FOXP2: variants seen among roughly 807,000 people sequenced by gnomAD.
The protein encoded by FOXP2 is forkhead box P2.
In FOXP2, 12 loss-of-function variants were observed where a neutral mutation model predicts 115.8. That is an observed-to-expected ratio of 0.10 (90% CI 0.07 to 0.17). The LOEUF is 0.17. FOXP2 is among the 10% of genes least tolerant of loss of function. The pLI is 1.00. For missense variants in FOXP2, 629 were observed against 843.5 expected (o/e 0.75, Z 3.15); for synonymous variants, 328 against 297.7 (o/e 1.10, Z -1.05).
At chr7:114,451,249 T>C (rs1404033038) in intron 2 of FOXP2, among the ~76,000 whole-genome samples, 2 of 152,060 alleles carry the variant, frequency 1.3e-5, no homozygotes, top group African/African-American at 2.4e-5. Context: ...TTGACACATG[T>C]ATATTTTCAT....
intron 1 of FOXP2, among the ~76,000 whole-genome samples, chr7:114,106,036 A>G (rs1451976693): frequency 6.6e-6 from 1 of 152,096 alleles, no homozygotes; most frequent in African/African-American, 2.4e-5. Context: ...GTGTCCACAC[A>G]GTGGAGGCTC....
intron 1 of FOXP2, among the ~76,000 whole-genome samples, chr7:114,117,777 G>T (rs62468059): frequency 1.9e-3 from 289 of 152,202 alleles, no homozygotes; most frequent in African/African-American, 6.6e-3. Flanking sequence ...CAACAAAAAT[G>T]TATTTCTCTT....
chr7:114,471,061 G>A (rs996409554), intron 2 of FOXP2, among the ~76,000 whole-genome samples: 5 of 151,906 alleles, frequency 3.3e-5, no homozygotes, highest in African/African-American at 7.3e-5. Flanking sequence ...GCATTCCTAC[G>A]TTTTTACTTG....
At chr7:114,674,191 T>C (rs1422013971) in intron 16 of FOXP2, among the ~76,000 whole-genome samples, 1 of 152,090 alleles carries the variant, frequency 6.6e-6, no homozygotes, top group Non-Finnish European at 1.5e-5. Flanking sequence ...TTTTAGAAAA[T>C]AGACTAAGGG....
In FOXP2 at chr7:114,659,632, C is replaced by G. The variant is rs765157455; in HGVS notation, c.1606C>G (p.Arg536Gly). 2 of 1,613,678 alleles carry G rather than the reference C, an allele frequency of 1.2e-6. No individual in the cohort carries two copies. The highest frequency in any genetic ancestry group is 2.2e-5 in the South Asian group (2 of 91,082). ...TAATGAAATTTACAGCTGGTTTACA[C>G]GGACATTTGCTTACTTCAGGCGTAA... ...TLNEIYSWFT[R>G]TFAYFRRNAA... Residue 536 changes from arginine (R) to glycine (G), a missense_variant, in exon 13 of 17, where the codon CGG becomes GGG. This residue lies in a region of FOXP2 where 26 missense variants were observed against 61.1 expected (regional missense o/e 0.43). Coordinates refer to ENST00000350908, the MANE Select transcript of FOXP2 (RefSeq NM_014491.4).
intron 16 of FOXP2, among the ~76,000 whole-genome samples, chr7:114,674,664 T>G (rs1807666379): frequency 6.6e-6 from 1 of 152,312 alleles, no homozygotes; most frequent in Non-Finnish European, 1.5e-5. Flanking sequence ...ATTTCTTAGC[T>G]GATAAAAGTT....
intron 1 of FOXP2, among the ~76,000 whole-genome samples, chr7:114,176,872 C>T (rs1196494288): frequency 1.3e-5 from 2 of 152,054 alleles, no homozygotes; most frequent in Non-Finnish European, 2.9e-5. Flanking sequence ...AGTCCTTACC[C>T]CAGGGTAACC....
intron 3 of FOXP2, among the ~76,000 whole-genome samples, chr7:114,600,231 G>A (rs12538986): frequency 1.3e-5 from 2 of 151,964 alleles, no homozygotes; most frequent in African/African-American, 2.4e-5. Flanking sequence ...TATTGCAATA[G>A]TTTTGCCTTT....
chr7:114,545,778 C>T (rs945387656), intron 3 of FOXP2, among the ~76,000 whole-genome samples: 3 of 152,102 alleles, frequency 2.0e-5, no homozygotes, highest in African/African-American at 7.2e-5. Context: ...CTCAATAGGG[C>T]TTTCTTCACC....
intron 3 of FOXP2, among the ~76,000 whole-genome samples, chr7:114,546,676 G>T (rs548179882): frequency 6.8e-6 from 1 of 147,136 alleles, no homozygotes; most frequent in East Asian, 2.0e-4. Context: ...GCATCAAAAA[G>T]AAAAAAAAAA....
At chr7:114,517,292 T>C (rs1232142866) in intron 2 of FOXP2, among the ~76,000 whole-genome samples, 1 of 152,170 alleles carries the variant, frequency 6.6e-6, no homozygotes, top group African/African-American at 2.4e-5. Context: ...TCCCATTCCA[T>C]AGGTCGTCTC....
intron 1 of FOXP2, among the ~76,000 whole-genome samples, chr7:114,220,353 A>G (rs1160823942): frequency 1.3e-5 from 2 of 152,306 alleles, no homozygotes; most frequent in Admixed American, 6.5e-5. Flanking sequence ...ATACAATTAC[A>G]TAACAGTTTC....
chr7:114,257,295 C>T (rs1733020964), intron 1 of FOXP2, among the ~76,000 whole-genome samples: 1 of 151,988 alleles, frequency 6.6e-6, no homozygotes, highest in African/African-American at 2.4e-5. Flanking sequence ...AAAATTAACT[C>T]AAGATGATTA....
chr7:114,585,048 G>A (rs559980414), intron 3 of FOXP2, among the ~76,000 whole-genome samples: 222 of 152,238 alleles, frequency 1.5e-3, no homozygotes, highest in African/African-American at 5.3e-3. Context: ...CAAAAACGAA[G>A]TATAGTTTTG....
chr7:114,086,746 A>G (rs1470702216), upstream of FOXP2: 1 of 232,614 alleles, frequency 4.3e-6, no homozygotes, highest in Non-Finnish European at 8.6e-6. Context: ...GTTTCGCCCC[A>G]AAGGCAGCGC....
intron 3 of FOXP2, among the ~76,000 whole-genome samples, chr7:114,621,991 A>G (rs1308150483): frequency 2.6e-5 from 4 of 152,060 alleles, no homozygotes; most frequent in Non-Finnish European, 1.5e-5. Flanking sequence ...TTGCAATGGC[A>G]TGACTGACTG....
chr7:114,542,338 ACCGTGCC>A (rs1286101355), intron 3 of FOXP2, among the ~76,000 whole-genome samples: 3 of 152,080 alleles, frequency 2.0e-5, no homozygotes, highest in African/African-American at 7.2e-5. Context: ...ACAAAATAAA[ACCGTGCC>A]CATTCTTACA....
intron 6 of FOXP2, among the ~76,000 whole-genome samples, chr7:114,639,776 A>C (rs1805423876): frequency 6.6e-6 from 1 of 152,200 alleles, no homozygotes; most frequent in Non-Finnish European, 1.5e-5. Context: ...AGAGCGGTAG[A>C]TGAGATCAGA....
At chr7:114,235,298 TC>T (rs1794982616) in intron 1 of FOXP2, among the ~76,000 whole-genome samples, 1 of 152,200 alleles carries the variant, frequency 6.6e-6, no homozygotes, top group African/African-American at 2.4e-5. Flanking sequence ...ATAGTTGTGC[TC>T]AGTAAAATTT....
Sources: allele counts gnomAD v4.1 joint callset (sites outside exome capture counted in the v4.1 genomes callset), GRCh38; gene constraint gnomAD v4.1.1; regional missense constraint gnomAD v4.1.1; transcripts MANE v1.5; gene names NCBI Gene and HGNC (gene_info 2026-07-23, HGNC 2026-07-21).